The following SYNPO2 variants were observed in gnomAD, a reference collection of about 807,000 sequenced individuals.
SYNPO2 encodes synaptopodin-2.
A neutral mutation model predicts 85.0 loss-of-function variants in SYNPO2; 56 were observed. That is an observed-to-expected ratio of 0.66 (90% CI 0.53 to 0.82). The LOEUF is 0.82. Among genes scored for constraint, SYNPO2 ranks in the 40% least tolerant of loss-of-function variants. The pLI, the probability that SYNPO2 is intolerant of heterozygous loss-of-function variation, is 0.00. For synonymous variants in SYNPO2, 602 were observed against 591.1 expected (o/e 1.02, Z -0.27); for missense variants, 1,575 against 1,534.2 (o/e 1.03, Z -0.44).
At chr4:118,977,405 A>G (rs1390228928) in intron 1 of SYNPO2, among the ~76,000 whole-genome samples, 1 of 152,222 alleles carries the variant, frequency 6.6e-6, no homozygotes, top group African/African-American at 2.4e-5. Context: ...CGCGGCACGC[A>G]GCCCCGGTTC....
chr4:119,023,834 G>C (rs1225665427), intron 2 of SYNPO2, among the ~76,000 whole-genome samples: 1 of 152,102 alleles, frequency 6.6e-6, no homozygotes, highest in African/African-American at 2.4e-5. Flanking sequence ...GGTATTTTAG[G>C]CTCCTTCCTT....
intron 1 of SYNPO2, among the ~76,000 whole-genome samples, chr4:118,976,652 T>A (rs561508848): frequency 9.9e-5 from 15 of 152,018 alleles, no homozygotes; most frequent in Admixed American, 2.6e-4. Context: ...GATACAGAGT[T>A]TCCACACACA....
chr4:118,971,440 A>G (rs1203823533), intron 1 of SYNPO2, among the ~76,000 whole-genome samples: 1 of 152,240 alleles, frequency 6.6e-6, no homozygotes, highest in Non-Finnish European at 1.5e-5. Context: ...TTAACTTGAA[A>G]TGATCAGTTT....
chr4:118,871,071 T>C (rs942021267), intron 1 of SYNPO2, among the ~76,000 whole-genome samples: 15 of 152,170 alleles, frequency 9.9e-5, no homozygotes, highest in African/African-American at 3.4e-4. Flanking sequence ...ACCTGTCCTA[T>C]CTCTGTAAAG....
chr4:118,857,842 C>G (rs1037631234), intron 1 of SYNPO2, among the ~76,000 whole-genome samples: 1 of 152,112 alleles, frequency 6.6e-6, no homozygotes, highest in Admixed American at 6.6e-5. Flanking sequence ...AAGTGAATGG[C>G]TTTTTAAAGG....
intron 1 of SYNPO2, among the ~76,000 whole-genome samples, chr4:118,913,686 G>A (rs566556886): frequency 6.6e-6 from 1 of 152,000 alleles, no homozygotes; most frequent in African/African-American, 2.4e-5. Context: ...TTGTGTCAGG[G>A]TCGCAGGAAA....
At chr4:118,946,187 C>T (rs1021377) in intron 1 of SYNPO2, among the ~76,000 whole-genome samples, 74,701 of 151,928 alleles carry the variant, frequency 0.49, 18,712 homozygotes, top group Admixed American at 0.61. Flanking sequence ...GGGAGGACGA[C>T]TTATATCTAA....
At chr4:118,961,494 C>T (rs748272363) in intron 1 of SYNPO2, among the ~76,000 whole-genome samples, 3 of 152,178 alleles carry the variant, frequency 2.0e-5, no homozygotes, top group Non-Finnish European at 4.4e-5. Context: ...GTCTTCATTA[C>T]TCAGGTGTCC....
chr4:119,019,996 G>A (rs992130744), intron 1 of SYNPO2, among the ~76,000 whole-genome samples: 6 of 152,126 alleles, frequency 3.9e-5, no homozygotes, highest in Middle Eastern at 3.2e-3. Context: ...CCAAGTGTTA[G>A]AATCTTCACT....
chr4:118,873,659 C>T (rs76540420), intron 1 of SYNPO2, among the ~76,000 whole-genome samples: 22,703 of 151,872 alleles, frequency 0.15, 1,787 homozygotes, highest in East Asian at 0.21. Context: ...GTTGTGTGTT[C>T]GCTTTATTTA....
At position 119,023,554 on chromosome 4, in the gene SYNPO2, CAG is replaced by C. The variant is rs1371933245; in HGVS notation, c.232_233del (p.Asp78LeufsTer15). ...GTCATCAAGCTCATGGAAAGCATAACAGACTCTCTCCAAATGCTCATCAAAAG... is the reference window on the plus strand; with the variant it reads ...GTCATCAAGCTCATGGAAAGCATAACACTCTCTCCAAATGCTCATCAAAAG... On this transcript the variant is annotated frameshift_variant, in exon 2 of 5. Transcript: ENST00000307142. LOFTEE classifies it high-confidence loss of function. The C allele has an allele frequency of 2.5e-6, 4 of 1,613,450 alleles. No individual in the cohort carries two copies. In the African/African-American group the frequency reaches 5.3e-5, roughly 22 times the overall value.
chr4:118,990,072 C>T (rs1031048719), intron 1 of SYNPO2, among the ~76,000 whole-genome samples: 13 of 152,258 alleles, frequency 8.5e-5, no homozygotes, highest in Middle Eastern at 3.4e-3. Flanking sequence ...AATGAGAAGA[C>T]GGAAATGGGG....
intron 1 of SYNPO2, among the ~76,000 whole-genome samples, chr4:119,008,038 A>G (rs1179521061): frequency 6.6e-6 from 1 of 152,210 alleles, no homozygotes; most frequent in Non-Finnish European, 1.5e-5. Flanking sequence ...TAAATTTTGC[A>G]GCAGAGAGTG....
intron 1 of SYNPO2, among the ~76,000 whole-genome samples, chr4:118,954,122 A>T (rs1029064567): frequency 2.0e-5 from 3 of 152,206 alleles, no homozygotes; most frequent in Non-Finnish European, 4.4e-5. Flanking sequence ...AGGTTTCATG[A>T]TACAGTACAG....
chr4:118,866,331 C>T (rs1731699292), intron 1 of SYNPO2, among the ~76,000 whole-genome samples: 1 of 152,132 alleles, frequency 6.6e-6, no homozygotes, highest in South Asian at 2.1e-4. Context: ...AAAATGTCCC[C>T]AAACATTGTC....
chr4:118,868,269 T>A (rs56055826), intron 1 of SYNPO2, among the ~76,000 whole-genome samples: 5,587 of 152,230 alleles, frequency 0.037, 171 homozygotes, highest in Non-Finnish European at 0.058. Flanking sequence ...TTGGATTTTT[T>A]AAAATGCATT....
intron 1 of SYNPO2, among the ~76,000 whole-genome samples, chr4:118,900,130 T>C (rs1185923343): frequency 2.6e-5 from 4 of 152,208 alleles, no homozygotes; most frequent in African/African-American, 7.2e-5. Context: ...AATGTGCTAT[T>C]ATGATGTTTT....
chr4:118,958,631 C>T (rs560036243), intron 1 of SYNPO2, among the ~76,000 whole-genome samples: 3 of 152,064 alleles, frequency 2.0e-5, no homozygotes, highest in Non-Finnish European at 2.9e-5. Context: ...TCCTGAGTAA[C>T]TCTGCGTTGC....
At chr4:118,879,502 T>C (rs62326777) in intron 1 of SYNPO2, among the ~76,000 whole-genome samples, 49,907 of 152,064 alleles carry the variant, frequency 0.33, 9,744 homozygotes, top group South Asian at 0.46. Context: ...TCTTTCTCTA[T>C]GTGAGGACAC....
Sources: gnomAD v4.1 joint callset for allele counts (sites outside exome capture counted in the v4.1 genomes callset) on GRCh38, gnomAD v4.1.1 for gene constraint, MANE v1.5 for transcripts, NCBI Gene and HGNC (gene_info 2026-07-23, HGNC 2026-07-21) for gene names.